ZNRF1: variants seen among roughly 807,000 people sequenced by gnomAD.
ZNRF1 encodes the protein zinc and ring finger 1.
A neutral mutation model predicts 18.4 loss-of-function variants in ZNRF1; 3 were observed. The ratio of observed to expected loss-of-function variants is 0.16; its 90% confidence interval spans 0.07 to 0.42. ZNRF1 has a LOEUF of 0.42. Among genes scored for constraint, ZNRF1 ranks in the 10% least tolerant of loss-of-function variants. The pLI is 0.99. For missense variants in ZNRF1, 310 were observed against 329.8 expected, an observed-to-expected ratio of 0.94 and a Z score of 0.47; for synonymous variants, 157 against 144.2, an observed-to-expected ratio of 1.09 and a Z score of -0.64.
rs567693056 is a variant in ZNRF1 at position 75,093,380 on chromosome 16, G to A, written c.425-192G>A. Among the ~76,000 whole-genome samples the A allele has an allele frequency of 8.7e-4, 123 of 141,804 alleles. 1 individual carries two copies. The highest frequency in any genetic ancestry group is 1.4e-3 in the Non-Finnish European group (95 of 66,306). 93.0% of individuals were successfully genotyped at this position (141,804 alleles called of 152,430 possible). A position where few individuals can be genotyped will look rare whatever the true frequency, so the allele number is the denominator to read the frequency against. Reference sequence around the variant, plus strand: ...AGCCTGGGCGACAGAGTGAGACTTCGTCTCAAAAAAAAAAAAAAAAAAGGC... The same window carrying A: ...AGCCTGGGCGACAGAGTGAGACTTCATCTCAAAAAAAAAAAAAAAAAAGGC... On this transcript the variant is annotated intron_variant, in intron 1 of 4. Coordinates refer to ENST00000335325, the MANE Select transcript of ZNRF1 (RefSeq NM_032268.5).
At chr16:75,025,021 A>G (rs1173416508) in intron 1 of ZNRF1, among the ~76,000 whole-genome samples, 1 of 151,908 alleles carries the variant, frequency 6.6e-6, no homozygotes. Flanking sequence ...TCATTGTTTC[A>G]TGTTGTTCCA....
chr16:75,020,674 T>C (rs2035133542), intron 1 of ZNRF1, among the ~76,000 whole-genome samples: 1 of 152,066 alleles, frequency 6.6e-6, no homozygotes, highest in South Asian at 2.1e-4. Flanking sequence ...CCCAAGTAGC[T>C]GGGACTACAG....
intron 1 of ZNRF1, among the ~76,000 whole-genome samples, chr16:75,065,909 G>A (rs976232172): frequency 3.3e-5 from 5 of 152,168 alleles, no homozygotes; most frequent in African/African-American, 7.2e-5. Context: ...TGTGGAAGCC[G>A]CTGCTGCTCC....
chr16:75,096,999 C>T (rs1477563535), intron 2 of ZNRF1, among the ~76,000 whole-genome samples: 2 of 152,052 alleles, frequency 1.3e-5, no homozygotes, highest in African/African-American at 4.8e-5. Flanking sequence ...TCCAGAGCAC[C>T]GAATGTTAAA....
At chr16:75,001,388 G>C (rs760580396) in intron 1 of ZNRF1, among the ~76,000 whole-genome samples, 2 of 150,534 alleles carry the variant, frequency 1.3e-5, no homozygotes, top group Non-Finnish European at 3.0e-5. Flanking sequence ...GACTAATTTA[G>C]GGTAACACTT....
intron 1 of ZNRF1, among the ~76,000 whole-genome samples, chr16:75,005,621 C>G (rs955332101): frequency 1.3e-5 from 2 of 152,166 alleles, no homozygotes; most frequent in African/African-American, 4.8e-5. Flanking sequence ...TGCCTGAAAC[C>G]GTGGATAGTA....
At chr16:75,090,086 T>TA (rs1294009372) in intron 1 of ZNRF1, among the ~76,000 whole-genome samples, 1 of 152,200 alleles carries the variant, frequency 6.6e-6, no homozygotes, top group Non-Finnish European at 1.5e-5. Context: ...GGTGCCAAGT[T>TA]AAAGTGCAGG....
chr16:75,037,579 T>G (rs529226903), intron 1 of ZNRF1, among the ~76,000 whole-genome samples: 24 of 152,262 alleles, frequency 1.6e-4, no homozygotes, highest in African/African-American at 5.1e-4. Context: ...CCTCAGGTGA[T>G]CTGCCACCTA....
chr16:75,027,496 A>G (rs1181761403), intron 1 of ZNRF1, among the ~76,000 whole-genome samples: 2 of 152,104 alleles, frequency 1.3e-5, no homozygotes, highest in Non-Finnish European at 2.9e-5. Flanking sequence ...TCTGCTGTTT[A>G]TAATATCAGT....
intron 1 of ZNRF1, among the ~76,000 whole-genome samples, chr16:75,021,905 C>T (rs2035154501): frequency 6.6e-6 from 1 of 152,176 alleles, no homozygotes; most frequent in African/African-American, 2.4e-5. Context: ...TTTTACCTTT[C>T]TTTTATTCTT....
At chr16:75,042,025 G>A (rs927132220) in intron 1 of ZNRF1, among the ~76,000 whole-genome samples, 1 of 152,096 alleles carries the variant, frequency 6.6e-6, no homozygotes, top group Non-Finnish European at 1.5e-5. Flanking sequence ...TATTTTAATA[G>A]AGCAGTTTTA....
At chr16:75,061,234 A>G (rs1418077520) in intron 1 of ZNRF1, among the ~76,000 whole-genome samples, 1 of 152,162 alleles carries the variant, frequency 6.6e-6, no homozygotes, top group Non-Finnish European at 1.5e-5. Context: ...TGTGCTATCA[A>G]ATAGTAGGTC....
At chr16:75,016,158 G>T (rs963992176) in intron 1 of ZNRF1, among the ~76,000 whole-genome samples, 1 of 151,968 alleles carries the variant, frequency 6.6e-6, no homozygotes, top group Non-Finnish European at 1.5e-5. Context: ...CTGACCTCGT[G>T]ACCCGTCCAC....
chr16:75,048,582 C>T (rs2035546511), intron 1 of ZNRF1, among the ~76,000 whole-genome samples: 1 of 152,182 alleles, frequency 6.6e-6, no homozygotes. Context: ...TTTCTAGATA[C>T]CTTTCACTGA....
intron 1 of ZNRF1, among the ~76,000 whole-genome samples, chr16:75,056,790 C>T (rs139472173): frequency 5.2e-4 from 79 of 152,104 alleles, no homozygotes; most frequent in African/African-American, 1.4e-3. Flanking sequence ...CCATGCTTGG[C>T]TAATTTTTGT....
At chr16:75,038,534 G>A (rs2035402189) in intron 1 of ZNRF1, among the ~76,000 whole-genome samples, 1 of 152,216 alleles carries the variant, frequency 6.6e-6, no homozygotes, top group South Asian at 2.1e-4. Flanking sequence ...TTGGCATTGT[G>A]ACAAGGGGAA....
intron 1 of ZNRF1, among the ~76,000 whole-genome samples, chr16:75,061,248 T>C (rs1441097258): frequency 1.3e-5 from 2 of 152,162 alleles, no homozygotes; most frequent in African/African-American, 4.8e-5. Context: ...GTAGGTCTTA[T>C]TCATTTTTTC....
chr16:75,109,479 G>T lies in ZNRF1; in HGVS notation c.*1779G>T, dbSNP rs975161025. ...AGTCACCCTCCATCAGATGCTTCCA[G>T]AAGCACCTACTCTGTGCAAGGGCAT... is the stretch of plus-strand genomic sequence containing the variant. On this transcript the variant is annotated 3_prime_UTR_variant, in exon 5 of 5. Coordinates refer to ENST00000335325, the MANE Select transcript of ZNRF1 (RefSeq NM_032268.5). 2 of 152,970 alleles carry T rather than the reference G, an allele frequency of 1.3e-5. No individual in the cohort carries two copies. Among genetic ancestry groups the T allele is most frequent in the Non-Finnish European group, 2.9e-5 (2 of 68,364 alleles). The allele number at this position is 152,970 out of a possible 1,614,324, so 9.5% of individuals were successfully genotyped here.
intron 1 of ZNRF1, among the ~76,000 whole-genome samples, chr16:75,090,888 A>T (rs1028403149): frequency 2.9e-4 from 44 of 152,188 alleles, no homozygotes; most frequent in African/African-American, 1.1e-3. Flanking sequence ...ATGCAGAGTT[A>T]GGCACCCAAT....
Sources: allele counts gnomAD v4.1 joint callset (sites outside exome capture counted in the v4.1 genomes callset), GRCh38; gene constraint gnomAD v4.1.1; transcripts MANE v1.5; gene names NCBI Gene and HGNC (gene_info 2026-07-23, HGNC 2026-07-21).